Variants in YTHDC2 observed in about 807,000 individuals in gnomAD.
The protein encoded by YTHDC2 is YTH N6-methyladenosine RNA binding protein C2.
Under a neutral mutation model 174.9 loss-of-function variants are expected in YTHDC2, and 45 were observed. That is an observed-to-expected ratio of 0.26 (90% CI 0.20 to 0.33). The LOEUF (loss-of-function observed/expected upper bound fraction) is 0.33, where lower values mean the gene tolerates loss of function less well. Ranked by LOEUF, YTHDC2 falls within the 10% of genes least tolerant of loss-of-function variation. The pLI is 1.00. For missense variants in YTHDC2, 1,650 were observed against 1,723.7 expected (o/e 0.96, Z 0.76); for synonymous variants, 657 against 574.5 (o/e 1.14, Z -2.05).
chr5:113,513,696 T>C lies in YTHDC2; in HGVS notation c.-200T>C. Reference sequence around the variant, plus strand: ...CCTGGTGACGTCATTACGCCCGCGCTCCTCGCCTGGCCGTGATATCAATGG... The same window carrying C: ...CCTGGTGACGTCATTACGCCCGCGCCCCTCGCCTGGCCGTGATATCAATGG... On this transcript the variant is annotated 5_prime_UTR_variant, in exon 1 of 30. Transcript: ENST00000161863. 1 of 618,496 alleles carries C rather than the reference T, an allele frequency of 1.6e-6. No homozygotes were observed. Among genetic ancestry groups the C allele is most frequent in the Non-Finnish European group, 2.6e-6 (1 of 381,976 alleles). 38.3% of individuals were successfully genotyped at this position (618,496 alleles called of 1,614,324 possible).
intron 23 of YTHDC2, among the ~76,000 whole-genome samples, chr5:113,569,552 T>C (rs924793344): frequency 6.6e-6 from 1 of 152,236 alleles, no homozygotes; most frequent in African/African-American, 2.4e-5. Flanking sequence ...AGTTTCAGTT[T>C]TCTGCATATA....
intron 12 of YTHDC2, among the ~76,000 whole-genome samples, chr5:113,550,401 C>G (rs997201529): frequency 3.3e-5 from 5 of 151,822 alleles, no homozygotes. Flanking sequence ...AGTTGTTACT[C>G]TAGGAAAAAC....
Position 113,520,921 on chromosome 5 carries a change from A to G in YTHDC2, c.279-4060A>G, listed in dbSNP as rs543050353. Among the ~76,000 whole-genome samples the G allele has an allele frequency of 1.3e-3, 200 of 151,974 alleles. 1 individual carries two copies. Among genetic ancestry groups the G allele is most frequent in the Non-Finnish European group, 2.1e-3 (146 of 67,954 alleles). On this transcript the variant is annotated intron_variant, in intron 2 of 29. Coordinates refer to ENST00000161863, the MANE Select transcript of YTHDC2 (RefSeq NM_022828.5). ...AATCCTCTCCCTCCTCCCATCCTTT[A>G]CCCTCTGATAGACCCCAGTGCCTGT...
At chr5:113,560,233 A>G (rs951125970) in intron 17 of YTHDC2, among the ~76,000 whole-genome samples, 1 of 152,280 alleles carries the variant, frequency 6.6e-6, no homozygotes, top group African/African-American at 2.4e-5. Context: ...CATTTTTCTT[A>G]GGGTAATAAT....
At chr5:113,554,157 T>G (rs1270087679) in intron 16 of YTHDC2, 135 bp downstream of exon 16, 1 of 721,932 alleles carries the variant, frequency 1.4e-6, no homozygotes, top group Non-Finnish European at 2.0e-6. Flanking sequence ...CAGCGCATGC[T>G]TTTATAAGCA....
chr5:113,580,992 T>A (rs1424483477), intron 24 of YTHDC2, among the ~76,000 whole-genome samples: 1 of 152,174 alleles, frequency 6.6e-6, no homozygotes, highest in Non-Finnish European at 1.5e-5. Flanking sequence ...ATGTGTATAT[T>A]TTGCAATCAT....
At chr5:113,528,695 G>C (rs953954953) in intron 4 of YTHDC2, among the ~76,000 whole-genome samples, 1 of 152,144 alleles carries the variant, frequency 6.6e-6, no homozygotes, top group Non-Finnish European at 1.5e-5. Flanking sequence ...TTTTTGTAGA[G>C]ACGAGGTTTC....
chr5:113,520,341 C>T (rs191024666), intron 2 of YTHDC2, among the ~76,000 whole-genome samples: 156 of 152,162 alleles, frequency 1.0e-3, no homozygotes, highest in Non-Finnish European at 1.7e-3. Flanking sequence ...AGTATAACTT[C>T]GCTACCTAAC....
chr5:113,586,788 CT>C (rs1778702785), intron 26 of YTHDC2, among the ~76,000 whole-genome samples: 1 of 148,106 alleles, frequency 6.8e-6, no homozygotes, highest in Non-Finnish European at 1.5e-5. Flanking sequence ...ACACTGACAC[CT>C]TTGTCAAAAA....
intron 17 of YTHDC2, among the ~76,000 whole-genome samples, chr5:113,558,948 G>C (rs1008113913): frequency 6.7e-6 from 1 of 149,774 alleles, no homozygotes; most frequent in African/African-American, 2.5e-5. Context: ...GAAAATCTAA[G>C]TAGAGCTGTC....
intron 18 of YTHDC2, among the ~76,000 whole-genome samples, chr5:113,561,957 G>GGTGGGTGT (rs1347716150): frequency 1.5e-4 from 20 of 134,960 alleles, no homozygotes; most frequent in African/African-American, 4.9e-4. Context: ...ATTAATTGTG[G>GGTGGGTGT]GTGTGTGTGT....
At chr5:113,554,459 AC>A (rs1776466805) in intron 16 of YTHDC2, among the ~76,000 whole-genome samples, 1 of 152,058 alleles carries the variant, frequency 6.6e-6, no homozygotes, top group Admixed American at 6.6e-5. Flanking sequence ...TTAGTGCCTC[AC>A]CTATAGCAGG....
intron 25 of YTHDC2, chr5:113,583,515 C>T (rs1236079824): frequency 6.6e-6 from 1 of 151,986 alleles, no homozygotes; most frequent in Admixed American, 6.6e-5. Context: ...GAGACAGTCT[C>T]ACTGTGTCGC....
At chr5:113,529,239 G>A (rs531040210) in intron 4 of YTHDC2, among the ~76,000 whole-genome samples, 2 of 152,266 alleles carry the variant, frequency 1.3e-5, no homozygotes, top group South Asian at 4.1e-4. Context: ...TCTTTTTACA[G>A]ATGAGGAATA....
At position 113,567,743 on chromosome 5, in the gene YTHDC2, A is replaced by C. The variant is rs1208863652; in HGVS notation, c.3138A>C (p.Ile1046=). 3.7e-6 allele frequency: 6 copies of C among 1,611,854 alleles called. No homozygotes were observed. The highest frequency in any genetic ancestry group is 4.2e-6 in the Non-Finnish European group (5 of 1,178,946). Residue 1046 remains isoleucine (I), a synonymous_variant, in exon 23 of 30, where the codon ATA becomes ATC. Transcript: ENST00000161863. ...IYDEMTRAHR[I]ANIRCCSAVT... is the part of the protein sequence containing the mutation. ...ATGAAATGACCAGAGCCCATAGAATAGCTAATATTAGATGTTGTTCAGCAG... is the reference window on the plus strand; with the variant it reads ...ATGAAATGACCAGAGCCCATAGAATCGCTAATATTAGATGTTGTTCAGCAG...
intron 2 of YTHDC2, among the ~76,000 whole-genome samples, chr5:113,523,899 A>G (rs1205249624): frequency 1.3e-5 from 2 of 152,152 alleles, no homozygotes; most frequent in Admixed American, 6.5e-5. Flanking sequence ...TATTTCTATA[A>G]TAGTGACATT....
At chr5:113,569,647 C>T (rs192017538) in intron 23 of YTHDC2, among the ~76,000 whole-genome samples, 40 of 152,162 alleles carry the variant, frequency 2.6e-4, no homozygotes, top group East Asian at 5.8e-4. Context: ...AAAAATCAGA[C>T]GGTTGTAAGT....
At chr5:113,570,650 C>G (rs915763454) in intron 23 of YTHDC2, among the ~76,000 whole-genome samples, 2 of 151,804 alleles carry the variant, frequency 1.3e-5, no homozygotes, top group Admixed American at 6.6e-5. Context: ...TATTTGAATA[C>G]TCTTTATTTC....
intron 2 of YTHDC2, among the ~76,000 whole-genome samples, chr5:113,523,655 T>C (rs1774024206): frequency 6.6e-6 from 1 of 152,102 alleles, no homozygotes; most frequent in Admixed American, 6.5e-5. Flanking sequence ...CCTAGAAAGC[T>C]TAAAATTCAT....
Sources: allele counts gnomAD v4.1 joint callset (sites outside exome capture counted in the v4.1 genomes callset), GRCh38; gene constraint gnomAD v4.1.1; transcripts MANE v1.5; gene names NCBI Gene and HGNC (gene_info 2026-07-23, HGNC 2026-07-21).